Variants in GALNT17 observed in about 807,000 individuals in gnomAD.
GALNT17 encodes the protein UDP-GalNAc:polypeptide N-acetylgalactosaminyltransferase-like 3.
In GALNT17, 29 loss-of-function variants were observed where a neutral mutation model predicts 63.7. The observed-to-expected ratio is 0.46, with a 90% CI of 0.34 to 0.62. The LOEUF is 0.62. Ranked by LOEUF, GALNT17 falls within the 20% of genes least tolerant of loss-of-function variation. GALNT17 has a pLI of 0.01. For missense variants in GALNT17, 603 were observed against 799.6 expected (o/e 0.75, Z 2.97); for synonymous variants, 305 against 318.3 (o/e 0.96, Z 0.45).
In GALNT17 at chr7:71,477,433, G is replaced by T. The variant is rs556602126; in HGVS notation, c.962+56328G>T. On this transcript the variant is annotated intron_variant, in intron 5 of 10. Transcript: ENST00000333538. ...CCAAGGTGTCACTGATCGTTTCGAG[G>T]TTACCCTACCCCTCCAGCTGGCTGT... Among the ~76,000 whole-genome samples, 4 of 152,292 alleles carry T rather than the reference G, an allele frequency of 2.6e-5. No individual in the cohort carries two copies. The South Asian group carries it at 8.3e-4, about 32-fold the overall frequency.
chr7:71,536,604 C>T (rs1788806175), intron 5 of GALNT17, among the ~76,000 whole-genome samples: 1 of 152,244 alleles, frequency 6.6e-6, no homozygotes, highest in East Asian at 1.9e-4. Context: ...TCTCATGAGA[C>T]TTATTCACTA....
chr7:71,539,709 T>TTTTC (rs1445719052), intron 5 of GALNT17, among the ~76,000 whole-genome samples: 1 of 92,802 alleles, frequency 1.1e-5, no homozygotes, highest in African/African-American at 4.3e-5. Flanking sequence ...AGTCCCACCT[T>TTTTC]TTTTTTTTTT....
chr7:71,513,033 A>G (rs925658272), intron 5 of GALNT17, among the ~76,000 whole-genome samples: 2 of 152,322 alleles, frequency 1.3e-5, no homozygotes, highest in East Asian at 1.9e-4. Flanking sequence ...TAAGTTTCAC[A>G]AACAGCCTTT....
chr7:71,225,303 A>G (rs1789661143), intron 1 of GALNT17, among the ~76,000 whole-genome samples: 1 of 152,190 alleles, frequency 6.6e-6, no homozygotes, highest in South Asian at 2.1e-4. Context: ...GTGCTTCACT[A>G]CCTTAAATTT....
chr7:71,651,254 GGGAGAATA>G (rs1790750773), intron 6 of GALNT17, among the ~76,000 whole-genome samples: 2 of 149,742 alleles, frequency 1.3e-5, no homozygotes, highest in South Asian at 4.2e-4. Flanking sequence ...AAGGGAGGTG[GGGAGAATA>G]GGACAAAGCC....
intron 1 of GALNT17, among the ~76,000 whole-genome samples, chr7:71,322,791 G>A (rs1791640427): frequency 6.6e-6 from 1 of 152,116 alleles, no homozygotes; most frequent in Non-Finnish European, 1.5e-5. Context: ...TGTCATGTGA[G>A]GATATAGCAA....
chr7:71,648,262 AT>A (rs1790708598), intron 6 of GALNT17, among the ~76,000 whole-genome samples: 2 of 151,240 alleles, frequency 1.3e-5, no homozygotes, highest in Admixed American at 1.3e-4. Context: ...AGCTGCTGTC[AT>A]GAGCTACTTT....
At chr7:71,324,372 C>G (rs914390177) in intron 1 of GALNT17, among the ~76,000 whole-genome samples, 1 of 151,918 alleles carries the variant, frequency 6.6e-6, no homozygotes, top group African/African-American at 2.4e-5. Flanking sequence ...ACCAAGAGGC[C>G]CAGCACAGTG....
chr7:71,489,614 C>G (rs1265582414), intron 5 of GALNT17, among the ~76,000 whole-genome samples: 1 of 152,226 alleles, frequency 6.6e-6, no homozygotes, highest in Non-Finnish European at 1.5e-5. Context: ...GCCCCAGGCT[C>G]AAGAGCCTGA....
chr7:71,559,659 G>A (rs773655459), intron 5 of GALNT17, among the ~76,000 whole-genome samples: 6 of 152,026 alleles, frequency 3.9e-5, no homozygotes, highest in Non-Finnish European at 7.4e-5. Context: ...GCCAGGAGTC[G>A]GAGACCAGCC....
At chr7:71,288,314 A>T (rs1052611050) in intron 1 of GALNT17, among the ~76,000 whole-genome samples, 9 of 151,558 alleles carry the variant, frequency 5.9e-5, no homozygotes, top group African/African-American at 1.2e-4. Context: ...TCCTCATCGT[A>T]TTCATGTTGA....
At chr7:71,143,366 G>A (rs151103648) in intron 1 of GALNT17, among the ~76,000 whole-genome samples, 4 of 141,912 alleles carry the variant, frequency 2.8e-5, no homozygotes, top group South Asian at 2.2e-4. Context: ...AGGTTGCAGT[G>A]AGATGAGATC....
chr7:71,622,314 T>C (rs1055961328), intron 6 of GALNT17, among the ~76,000 whole-genome samples: 4 of 152,210 alleles, frequency 2.6e-5, no homozygotes, highest in African/African-American at 9.6e-5. Context: ...TTTCCTCACA[T>C]AGAAAATGAA....
chr7:71,139,356 A>G (rs1787843357), intron 1 of GALNT17, among the ~76,000 whole-genome samples: 2 of 152,326 alleles, frequency 1.3e-5, no homozygotes, highest in East Asian at 1.9e-4. Context: ...GCAGAGCTGT[A>G]TCCCTGTGAG....
intron 2 of GALNT17, among the ~76,000 whole-genome samples, chr7:71,348,314 T>A (rs1792130819): frequency 6.6e-6 from 1 of 152,144 alleles, no homozygotes; most frequent in African/African-American, 2.4e-5. Context: ...AAGAAAGAAT[T>A]CCCACTTCTT....
intron 5 of GALNT17, among the ~76,000 whole-genome samples, chr7:71,512,877 A>T (rs1017493160): frequency 2.6e-5 from 4 of 152,220 alleles, no homozygotes; most frequent in Non-Finnish European, 5.9e-5. Context: ...GAAACATTTC[A>T]TGATTGTCAA....
At chr7:71,450,876 T>A (rs1204775260) in intron 5 of GALNT17, among the ~76,000 whole-genome samples, 5 of 152,140 alleles carry the variant, frequency 3.3e-5, no homozygotes, top group Admixed American at 3.3e-4. Flanking sequence ...ACTTTTAAAT[T>A]TTATTTTCTG....
At chr7:71,484,962 C>CT (rs779772231) in intron 5 of GALNT17, among the ~76,000 whole-genome samples, 7,067 of 47,636 alleles carry the variant, frequency 0.15, 1,193 homozygotes, top group East Asian at 0.38. Context: ...CCACACCTGG[C>CT]TTTTTTTTTT....
chr7:71,694,733 A>G (rs1404923845), intron 9 of GALNT17, among the ~76,000 whole-genome samples: 1 of 152,216 alleles, frequency 6.6e-6, no homozygotes, highest in African/African-American at 2.4e-5. Context: ...GCAGAGTCCC[A>G]TAGGGCTAAA....
Sources: gnomAD v4.1 joint callset for allele counts (sites outside exome capture counted in the v4.1 genomes callset) on GRCh38, gnomAD v4.1.1 for gene constraint, MANE v1.5 for transcripts, NCBI Gene and HGNC (gene_info 2026-07-23, HGNC 2026-07-21) for gene names.